LOXHD1: variants seen among roughly 807,000 people sequenced by gnomAD.
The protein encoded by LOXHD1 is lipoxygenase homology domain-containing protein 1.
A neutral mutation model predicts 248.2 loss-of-function variants in LOXHD1; 205 were observed. The ratio of observed to expected loss-of-function variants is 0.83; its 90% CI spans 0.74 to 0.93. The LOEUF (loss-of-function observed/expected upper bound fraction) is 0.93. Among genes scored for constraint, LOXHD1 ranks in the 40% least tolerant of loss-of-function variants. The pLI is 0.00. For missense variants in LOXHD1, 2,930 were observed against 2,971.6 expected (o/e 0.99, Z 0.33); for synonymous variants, 1,113 against 1,162.8 (o/e 0.96, Z 0.87).
intron 34 of LOXHD1, among the ~76,000 whole-genome samples, chr18:46,516,247 C>A (rs1356609432): frequency 6.6e-6 from 1 of 152,144 alleles, no homozygotes; most frequent in Non-Finnish European, 1.5e-5. Context: ...GATAAGAGTA[C>A]AAAGAGTGAT....
intron 6 of LOXHD1, among the ~76,000 whole-genome samples, chr18:46,606,560 T>C (rs1240635600): frequency 3.9e-5 from 6 of 152,208 alleles, no homozygotes; most frequent in African/African-American, 1.4e-4. Context: ...TCAGGGTACT[T>C]GCATAAGGTG....
intron 37 of LOXHD1, among the ~76,000 whole-genome samples, chr18:46,494,784 A>C (rs2033720488): frequency 6.6e-6 from 1 of 151,758 alleles, no homozygotes; most frequent in Admixed American, 6.6e-5. Flanking sequence ...GCAAAACTGC[A>C]ATTACTTTTG....
chr18:46,632,578 G>A (rs1282613844), intron 4 of LOXHD1, among the ~76,000 whole-genome samples: 2 of 152,106 alleles, frequency 1.3e-5, no homozygotes, highest in Non-Finnish European at 2.9e-5. Flanking sequence ...GCCATTCCCG[G>A]CAGGATGGAA....
At chr18:46,569,349 T>TCTG (rs1368358782) in intron 16 of LOXHD1, 93 bp downstream of exon 16, 19 of 1,082,538 alleles carry the variant, frequency 1.8e-5, no homozygotes, top group Middle Eastern at 2.8e-4. Flanking sequence ...TGCGTGTGTG[T>TCTG]CTGTGTGTGG....
At chr18:46,479,300 A>T (rs564619290) in intron 40 of LOXHD1, among the ~76,000 whole-genome samples, 21 of 151,088 alleles carry the variant, frequency 1.4e-4, no homozygotes, top group African/African-American at 4.6e-4. Flanking sequence ...GGAAAGAGAA[A>T]GTCCTCTATC....
intron 12 of LOXHD1, among the ~76,000 whole-genome samples, chr18:46,580,592 G>C (rs1228143001): frequency 6.6e-6 from 1 of 152,220 alleles, no homozygotes; most frequent in Non-Finnish European, 1.5e-5. Flanking sequence ...GTAGGTGCCA[G>C]GCACCATTAA....
rs551128501 is a variant in LOXHD1 at position 46,512,030 on chromosome 18, C to A, written c.5400-2215G>T. On this transcript the variant is annotated intron_variant, in intron 34 of 40. Coordinates refer to ENST00000642948, the MANE Select transcript of LOXHD1 (RefSeq NM_001384474.1). ...TGATTCTTCCTGAGTTTGGGTCAAG[C>A]TAACTTTGGGAGACATTTAGTGTAT... Among the ~76,000 whole-genome samples, 11 of 152,170 alleles carry A rather than the reference C, an allele frequency of 7.2e-5. 1 individual carries two copies. The highest frequency in any genetic ancestry group is 2.7e-4 in the African/African-American group (11 of 41,438).
At position 46,620,404 on chromosome 18, in the gene LOXHD1, AGCAGGG is replaced by A. The variant is rs2038652093; in HGVS notation, c.512-2120_512-2115del. Among the ~76,000 whole-genome samples the A allele has an allele frequency of 2.0e-5, 3 of 152,332 alleles. No individual in the cohort carries two copies. In the East Asian group the frequency reaches 5.8e-4, roughly 29 times the overall value. On this transcript the variant is annotated intron_variant, in intron 4 of 40. Coordinates refer to ENST00000642948, the MANE Select transcript of LOXHD1 (RefSeq NM_001384474.1). Reference sequence around the variant, plus strand: ...GTTGCATCAGTCCATTGGAAGGGGCAGCAGGGCTCCAGGGGAAACTGCACACAGTGA... The same window carrying A: ...GTTGCATCAGTCCATTGGAAGGGGCACTCCAGGGGAAACTGCACACAGTGA...
At chr18:46,478,920 A>G (rs550974498) in intron 40 of LOXHD1, among the ~76,000 whole-genome samples, 1 of 152,190 alleles carries the variant, frequency 6.6e-6, no homozygotes, top group East Asian at 1.9e-4. Flanking sequence ...CTAATCTTAA[A>G]TTTCTGGCCT....
At chr18:46,520,978 G>A (rs1372101864) in intron 33 of LOXHD1, 119 bp downstream of exon 33, 14 of 1,197,330 alleles carry the variant, frequency 1.2e-5, no homozygotes, top group East Asian at 5.1e-5. Context: ...AGGCTGCAGC[G>A]CCTGCGGATG....
chr18:46,652,802 T>C (rs2039128608), intron 1 of LOXHD1, among the ~76,000 whole-genome samples: 1 of 152,242 alleles, frequency 6.6e-6, no homozygotes, highest in Admixed American at 6.5e-5. Flanking sequence ...GACAATGGAA[T>C]GGCTAAGTAG....
At position 46,507,956 on chromosome 18, in the gene LOXHD1, G is replaced by T. The variant is rs538603303; in HGVS notation, c.5518-244C>A. Among the ~76,000 whole-genome samples, 6 of 152,288 alleles carry T rather than the reference G, an allele frequency of 3.9e-5. No homozygotes were observed. In the East Asian group the frequency reaches 1.2e-3, roughly 29 times the overall value. Reference sequence around the variant, plus strand: ...GCCCTAGCTTGGGATTTGGGAATGGGCAATTCACCTAAAGCTGTGTCCTCA... The same window carrying T: ...GCCCTAGCTTGGGATTTGGGAATGGTCAATTCACCTAAAGCTGTGTCCTCA... On this transcript the variant is annotated intron_variant, in intron 35 of 40. Transcript: ENST00000642948.
intron 4 of LOXHD1, among the ~76,000 whole-genome samples, chr18:46,626,450 A>G (rs188837901): frequency 3.9e-5 from 6 of 152,374 alleles, no homozygotes; most frequent in Non-Finnish European, 8.8e-5. Context: ...AGGCAGGAGA[A>G]TCACCTGAAC....
chr18:46,483,587 A>G lies in LOXHD1; in HGVS notation c.6341T>C (p.Val2114Ala). Residue 2114 changes from valine to alanine, a missense_variant and splice_region_variant, in exon 40 of 41, where the codon GTG becomes GCG. Coordinates refer to ENST00000642948, the MANE Select transcript of LOXHD1 (RefSeq NM_001384474.1). ...CCTTGGGGAGAGGCTCAGTACATACACATTGCCGTACTCCATCTCGGTGAT... is the reference window on the plus strand; with the variant it reads ...CCTTGGGGAGAGGCTCAGTACATACGCATTGCCGTACTCCATCTCGGTGAT... ...ITITEMEYGN[V>A]YFFNCDCLIP... 6.4e-7 allele frequency: 1 copy of G among 1,550,414 alleles called. No homozygotes were observed. Among genetic ancestry groups the G allele is most frequent in the East Asian group, 2.4e-5 (1 of 40,866 alleles).
intron 4 of LOXHD1, among the ~76,000 whole-genome samples, chr18:46,639,317 C>G (rs961079473): frequency 2.0e-5 from 3 of 152,186 alleles, no homozygotes; most frequent in African/African-American, 7.2e-5. Context: ...ATAGATACCC[C>G]ATCAACAAGA....
chr18:46,545,209 T>C, intron 23 of LOXHD1, 108 bp downstream of exon 23: 2 of 807,754 alleles, frequency 2.5e-6, no homozygotes, highest in Non-Finnish European at 4.2e-6. Flanking sequence ...TTGCATCCTA[T>C]TGAGAGACAA....
At chr18:46,587,407 G>T (rs1053775669) in intron 12 of LOXHD1, among the ~76,000 whole-genome samples, 2 of 152,156 alleles carry the variant, frequency 1.3e-5, no homozygotes, top group African/African-American at 4.8e-5. Context: ...GAAGCAAAAT[G>T]ATAAGGGAAT....
intron 12 of LOXHD1, among the ~76,000 whole-genome samples, chr18:46,586,515 C>T (rs188281281): frequency 4.7e-4 from 72 of 152,244 alleles, no homozygotes; most frequent in African/African-American, 1.6e-3. Context: ...GCGCGATCTC[C>T]GCTCACTGCA....
At chr18:46,584,999 G>C (rs1432092042) in intron 12 of LOXHD1, among the ~76,000 whole-genome samples, 1 of 151,946 alleles carries the variant, frequency 6.6e-6, no homozygotes, top group Non-Finnish European at 1.5e-5. Flanking sequence ...AAAAGCATTT[G>C]ACAAAATCTA....
Sources: allele counts gnomAD v4.1 joint callset (sites outside exome capture counted in the v4.1 genomes callset), GRCh38; gene constraint gnomAD v4.1.1; transcripts MANE v1.5; gene names NCBI Gene and HGNC (gene_info 2026-07-23, HGNC 2026-07-21).